The following MYT1L variants were observed in gnomAD, a reference collection of about 807,000 sequenced individuals.
MYT1L encodes the protein myelin transcription factor 1-like protein.
MYT1L carries 12 observed loss-of-function variants against 126.7 expected under a neutral mutation model. The ratio of observed to expected loss-of-function variants is 0.09; its 90% CI spans 0.06 to 0.15. MYT1L has a LOEUF of 0.15. Ranked by LOEUF, MYT1L falls within the 10% of genes least tolerant of loss-of-function variation. MYT1L has a pLI of 1.00. For synonymous variants in MYT1L, 541 were observed against 604.2 expected, an observed-to-expected ratio of 0.90 and a Z score of 1.53; for missense variants, 979 against 1,585.2, an observed-to-expected ratio of 0.62 and a Z score of 6.49.
In MYT1L at chr2:1,943,938, C is replaced by G. The variant is rs892854433; in HGVS notation, c.153-604G>C. Among the ~76,000 whole-genome samples the G allele has an allele frequency of 9.2e-5, 14 of 152,098 alleles. No individual in the cohort carries two copies. Among genetic ancestry groups the G allele is most frequent in the African/African-American group, 3.1e-4 (13 of 41,414 alleles). On this transcript the variant is annotated intron_variant, in intron 8 of 24. Transcript: ENST00000647738. The surrounding 1 kb of genome is among the most constrained non-coding windows in gnomAD (Gnocchi z 4.4). ...CTGCATCATTCAAAGTTCTGCAGAA[C>G]TTCCTCAGTCTTAGATGTTATTAGT...
intron 23 of MYT1L, among the ~76,000 whole-genome samples, chr2:1,796,673 G>C (rs933605817): frequency 6.6e-6 from 1 of 151,504 alleles, no homozygotes; most frequent in Non-Finnish European, 1.5e-5. Context: ...GCCACGGGGG[G>C]CAGCATCCCA....
At chr2:1,970,565 C>T (rs191026974) in intron 8 of MYT1L, among the ~76,000 whole-genome samples, 81 of 152,308 alleles carry the variant, frequency 5.3e-4, no homozygotes, top group African/African-American at 1.8e-3. Context: ...GCAGAGGCTC[C>T]AGGCACACAG....
chr2:1,792,377 C>T lies in MYT1L; in HGVS notation c.3364G>A (p.Ala1122Thr), dbSNP rs368807335. ...QQNESLLHEL[A>T]NLSQSLIHSL... ...TGGATCAGAGACTGGCTCAGGTTCG[C>T]CAGCTCGTGGAGGAGAGACTCGTTC... Residue 1122 changes from alanine (A) to threonine (T), a missense_variant, in exon 24 of 25, where the codon GCG (alanine) becomes ACG (threonine). Physicochemically the swap from Ala to Thr is moderately conservative, Grantham distance 58. Transcript: ENST00000647738. 3.1e-6 allele frequency: 5 copies of T among 1,611,048 alleles called. No individual in the cohort carries two copies. The highest frequency in any genetic ancestry group is 3.4e-6 in the Non-Finnish European group (4 of 1,178,724).
intron 21 of MYT1L, among the ~76,000 whole-genome samples, chr2:1,818,551 T>A (rs2038039523): frequency 6.6e-6 from 1 of 152,222 alleles, no homozygotes; most frequent in Non-Finnish European, 1.5e-5. Flanking sequence ...TGTCACTGAT[T>A]GACTCATGAT....
intron 4 of MYT1L, among the ~76,000 whole-genome samples, chr2:2,010,293 A>T (rs2063704033): frequency 6.6e-6 from 1 of 152,160 alleles, no homozygotes; most frequent in Non-Finnish European, 1.5e-5. Context: ...GTCTGGGGGA[A>T]AACATTTGGA....
At chr2:2,248,633 A>C (rs2094578722) in intron 2 of MYT1L, among the ~76,000 whole-genome samples, 1 of 152,146 alleles carries the variant, frequency 6.6e-6, no homozygotes. Context: ...AAAAAATATT[A>C]GCACACTGAA....
At chr2:1,968,222 T>A (rs1481561591) in intron 8 of MYT1L, among the ~76,000 whole-genome samples, 1 of 152,166 alleles carries the variant, frequency 6.6e-6, no homozygotes. Flanking sequence ...TGACGATAAA[T>A]GCAGCCATTA....
intron 22 of MYT1L, 129 bp downstream of exon 22, chr2:1,808,947 C>T (rs772865073): frequency 1.1e-5 from 9 of 796,162 alleles, no homozygotes; most frequent in Non-Finnish European, 1.9e-5. Context: ...GATGAGAGGG[C>T]CAGAATTATC....
At chr2:2,116,082 G>T (rs980449252) in intron 3 of MYT1L, among the ~76,000 whole-genome samples, 1 of 152,212 alleles carries the variant, frequency 6.6e-6, no homozygotes, top group Non-Finnish European at 1.5e-5. Context: ...CCTGATTCCC[G>T]AATGACCATG....
At position 1,851,903 on chromosome 2, in the gene MYT1L, C is replaced by T. The variant is rs369995169; in HGVS notation, c.2712-200G>A. The stretch of plus-strand genomic sequence containing the variant: ...ACACCTTCCAGAGCACCGGGAGCTT[C>T]GTGGCTGCTCCGCTCCCCACAGTCT... On this transcript the variant is annotated intron_variant, in intron 18 of 24. Coordinates refer to ENST00000647738, the MANE Select transcript of MYT1L (RefSeq NM_001303052.2). Among the ~76,000 whole-genome samples the T allele has an allele frequency of 1.1e-4, 17 of 152,254 alleles. No individual in the cohort carries two copies. The East Asian group carries it at 2.3e-3, about 21-fold the overall frequency.
intron 9 of MYT1L, among the ~76,000 whole-genome samples, chr2:1,936,300 A>T (rs1047791197): frequency 9.2e-5 from 14 of 152,260 alleles, no homozygotes; most frequent in African/African-American, 3.1e-4. Context: ...CTGAAGGTTT[A>T]TGAAAAATAG....
At chr2:2,122,872 T>TGAGAGA (rs57060194) in intron 3 of MYT1L, among the ~76,000 whole-genome samples, 67 of 133,066 alleles carry the variant, frequency 5.0e-4, no homozygotes, top group African/African-American at 9.5e-4. Context: ...TGTGTGTGTG[T>TGAGAGA]GAGAGAGAGA....
chr2:2,131,997 C>G (rs554366702), intron 3 of MYT1L, among the ~76,000 whole-genome samples: 8 of 143,648 alleles, frequency 5.6e-5, no homozygotes, highest in Non-Finnish European at 9.0e-5. Context: ...CAACCTCCAA[C>G]TCGCTGGTTC....
rs1339327733 is a variant in MYT1L at position 1,839,370 on chromosome 2, C to T, written c.2859G>A (p.Arg953=). 4.3e-6 allele frequency: 7 copies of T among 1,610,874 alleles called. No homozygotes were observed. The highest frequency in any genetic ancestry group is 1.7e-5 in the Admixed American group (1 of 59,930). The stretch of plus-strand genomic sequence containing the variant: ...GGCCGTCGCACCCGGGGACCGGACA[C>T]CTGTAGGCAGGCAGAGGTGACACAC... ...KEDKEDQEPI[R]CPVPGCDGQG... Residue 953 remains arginine, a splice_region_variant and synonymous_variant, in exon 21 of 25, where the codon AGG becomes AGA. Transcript: ENST00000647738.
intron 8 of MYT1L, among the ~76,000 whole-genome samples, chr2:1,970,055 A>C (rs1189508202): frequency 6.6e-6 from 1 of 152,166 alleles, no homozygotes; most frequent in Non-Finnish European, 1.5e-5. Flanking sequence ...ATCTTTACTA[A>C]TTTTGGCAGG....
chr2:2,142,161 G>A (rs1575454519), intron 3 of MYT1L, among the ~76,000 whole-genome samples: 1 of 152,160 alleles, frequency 6.6e-6, no homozygotes, highest in South Asian at 2.1e-4. Flanking sequence ...GCCTGTTTGA[G>A]CCTTGTTCAG....
chr2:1,791,596 C>A lies in MYT1L; in HGVS notation c.*271G>T. 1 of 421,890 alleles carries A rather than the reference C, an allele frequency of 2.4e-6. No homozygotes were observed. Among genetic ancestry groups the A allele is most frequent in the Non-Finnish European group, 4.2e-6 (1 of 235,478 alleles). 26.1% of individuals were successfully genotyped at this position (421,890 alleles called of 1,614,324 possible). A position where few individuals can be genotyped will look rare whatever the true frequency, so the allele number is the denominator to read the frequency against. Reference sequence around the variant, plus strand: ...CTTACCTCTTCAGAAATAGATATACCCCCAAATGTGCATACATCAGCAGCT... The same window carrying A: ...CTTACCTCTTCAGAAATAGATATACACCCAAATGTGCATACATCAGCAGCT... On this transcript the variant is annotated 3_prime_UTR_variant, in exon 25 of 25. Transcript: ENST00000647738. This position sits in a 1 kb window ranked among gnomAD's most constrained non-coding sequence, Gnocchi z 6.0.
chr2:1,867,038 G>A (rs1297560868), intron 18 of MYT1L, among the ~76,000 whole-genome samples: 1 of 141,228 alleles, frequency 7.1e-6, no homozygotes. Flanking sequence ...AGGGAGAGGG[G>A]CAGCCAGGGA....
intron 2 of MYT1L, among the ~76,000 whole-genome samples, chr2:2,200,593 A>G (rs6751879): frequency 0.21 from 32,628 of 152,112 alleles, 4,455 homozygotes; most frequent in African/African-American, 0.4. Flanking sequence ...GTCCTGTAAG[A>G]TGACATATTC....
Sources: allele counts gnomAD v4.1 joint callset (sites outside exome capture counted in the v4.1 genomes callset), GRCh38; gene constraint gnomAD v4.1.1; non-coding constraint Gnocchi (gnomAD v3.1); transcripts MANE v1.5; gene names NCBI Gene and HGNC (gene_info 2026-07-23, HGNC 2026-07-21).